The following MTAP variants were observed in gnomAD, a reference collection of about 807,000 sequenced individuals.
MTAP encodes S-methyl-5'-thioadenosine phosphorylase.
A neutral mutation model predicts 33.6 loss-of-function variants in MTAP; 33 were observed. That is an observed-to-expected ratio of 0.98 (90% CI 0.74 to 1.31). The LOEUF (loss-of-function observed/expected upper bound fraction) is 1.31, where lower values mean the gene tolerates loss of function less well. MTAP is among the 40% of genes most tolerant of loss of function. The pLI, the probability that MTAP is intolerant of heterozygous loss-of-function variation, is 0.00. For synonymous variants in MTAP, 148 were observed against 125.7 expected (o/e 1.18, Z -1.19); for missense variants, 367 against 360.0 (o/e 1.02, Z -0.16).
intron 1 of MTAP, among the ~76,000 whole-genome samples, chr9:21,927,487 G>C (rs1818888336): frequency 6.6e-6 from 1 of 152,174 alleles, no homozygotes; most frequent in African/African-American, 2.4e-5. Flanking sequence ...TCTTAACCCA[G>C]CCTCCTTACT....
At chr9:21,845,717 C>G (rs1464705528) in intron 5 of MTAP, among the ~76,000 whole-genome samples, 8 of 151,916 alleles carry the variant, frequency 5.3e-5, no homozygotes, top group Non-Finnish European at 1.2e-4. Flanking sequence ...AATGCAGTTT[C>G]CTTCAGAATA....
chr9:21,899,347 C>T (rs367797161), intron 1 of MTAP, among the ~76,000 whole-genome samples: 2 of 144,570 alleles, frequency 1.4e-5, no homozygotes, highest in Admixed American at 7.1e-5. Context: ...CAAACTTGCA[C>T]GTTGTGCATA....
chr9:21,876,945 TG>T (rs1231933593), intron 1 of MTAP, among the ~76,000 whole-genome samples: 21 of 152,186 alleles, frequency 1.4e-4, no homozygotes, highest in Admixed American at 1.4e-3. Flanking sequence ...TAAATTGCTT[TG>T]GGTAGTGTGG....
intron 1 of MTAP, among the ~76,000 whole-genome samples, chr9:21,879,849 T>G (rs1817977397): frequency 6.6e-6 from 1 of 152,154 alleles, no homozygotes; most frequent in Non-Finnish European, 1.5e-5. Context: ...TCATGAATGT[T>G]GAATATAGGC....
At chr9:21,870,808 C>G (rs1209376040), downstream of MTAP, among the ~76,000 whole-genome samples, 1 of 133,076 alleles carries the variant, frequency 7.5e-6, no homozygotes, top group Non-Finnish European at 1.6e-5. Flanking sequence ...GATGGATTCT[C>G]TGTCTCCCAG....
chr9:21,899,475 C>T (rs1818353159), intron 1 of MTAP, among the ~76,000 whole-genome samples: 1 of 151,828 alleles, frequency 6.6e-6, no homozygotes, highest in South Asian at 2.1e-4. Context: ...AAGAACTGCC[C>T]AAGATTGGGT....
chr9:21,828,954 C>A (rs996277449), intron 4 of MTAP, among the ~76,000 whole-genome samples: 1 of 152,108 alleles, frequency 6.6e-6, no homozygotes, highest in African/African-American at 2.4e-5. Context: ...GCACATATAT[C>A]ATTCATTATG....
intron 4 of MTAP, among the ~76,000 whole-genome samples, chr9:21,831,057 G>A (rs1011775026): frequency 8.5e-5 from 13 of 152,218 alleles, no homozygotes; most frequent in African/African-American, 3.1e-4. Flanking sequence ...TGTGGTACAT[G>A]GGCCCTCCAT....
rs952801457 is a variant in MTAP at position 21,922,914 on chromosome 9, A to G, written c.148-8094A>G. 1.3e-5 allele frequency among the ~76,000 whole-genome samples: 2 copies of G among 152,128 alleles called. No homozygotes were observed. The highest frequency in any genetic ancestry group is 6.6e-5 in the Admixed American group (1 of 15,266). ...TAGGGCTAAAGCCTAACACTGTGCA[A>G]TGTCTGCAATTTCCTCTGCTTTTTC... On this transcript the variant is annotated intron_variant, in intron 1 of 1. Coordinates refer to the MTAP transcript ENST00000577563. This position sits in a 1 kb window ranked among gnomAD's most constrained non-coding sequence, Gnocchi z 4.8.
chr9:21,837,848 A>G, intron 4 of MTAP, 60 bp from the exon 5 acceptor site: 3 of 1,403,186 alleles, frequency 2.1e-6, no homozygotes, highest in Non-Finnish European at 2.0e-6. Context: ...CAGCCCTCGG[A>G]GGATGGAAAG....
Position 21,854,778 on chromosome 9 carries a change from C to G in MTAP, c.598C>G (p.Pro200Ala), listed in dbSNP as rs770532282. Reference sequence around the variant, plus strand: ...GGATGTTATCAACATGACCACAGTTCCAGAGGTGGTTCTTGCTAAGGAGGC... The same window carrying G: ...GGATGTTATCAACATGACCACAGTTGCAGAGGTGGTTCTTGCTAAGGAGGC... The part of the protein sequence containing the change: ...GADVINMTTV[P>A]EVVLAKEAGI... Residue 200 changes from proline to alanine, a missense_variant, in exon 6 of 8, where the codon CCA becomes GCA. Physicochemically the swap from Pro to Ala is conservative, Grantham distance 27. Transcript: ENST00000644715. 1 of 1,614,106 alleles carries G rather than the reference C, an allele frequency of 6.2e-7. No homozygotes were observed. Among genetic ancestry groups the G allele is most frequent in the Non-Finnish European group, 8.5e-7 (1 of 1,180,004 alleles).
intron 1 of MTAP, among the ~76,000 whole-genome samples, chr9:21,888,162 T>C (rs117421022): frequency 6.2e-4 from 95 of 152,328 alleles, no homozygotes; most frequent in Admixed American, 1.2e-3. Flanking sequence ...TTTCCACTTT[T>C]ATTCCACTGT....
chr9:21,853,612 A>G (rs1825566946), intron 5 of MTAP, among the ~76,000 whole-genome samples: 1 of 152,204 alleles, frequency 6.6e-6, no homozygotes, highest in Admixed American at 6.5e-5. Context: ...CACTTTATTT[A>G]TATAGTATCC....
In MTAP at chr9:21,862,863, A is replaced by G; in HGVS notation, c.*849A>G. The G allele has an allele frequency of 1.3e-6, 1 of 771,326 alleles. No individual in the cohort carries two copies. The highest frequency in any genetic ancestry group is 1.6e-6 in the Non-Finnish European group (1 of 636,132). 47.8% of individuals were successfully genotyped at this position (771,326 alleles called of 1,614,324 possible). A position where few individuals can be genotyped will look rare whatever the true frequency, so the allele number is the denominator to read the frequency against. On this transcript the variant is annotated 3_prime_UTR_variant, in exon 8 of 8. Coordinates refer to ENST00000644715, the MANE Select transcript of MTAP (RefSeq NM_002451.4). The stretch of plus-strand genomic sequence containing the variant: ...CTGGGATAATTTTTATTTTCTTTGA[A>G]TCTTTCTGTGTCTTCACATTTTTCT...
chr9:21,814,113 T>C (rs951614736), intron 1 of MTAP, among the ~76,000 whole-genome samples: 1 of 152,242 alleles, frequency 6.6e-6, no homozygotes, highest in African/African-American at 2.4e-5. Context: ...ACAAATTATG[T>C]AACCATGTCA....
intron 4 of MTAP, among the ~76,000 whole-genome samples, chr9:21,837,123 CCT>C (rs1248766673): frequency 6.9e-6 from 1 of 144,764 alleles, no homozygotes; most frequent in Non-Finnish European, 1.5e-5. Flanking sequence ...TTAATTTTAG[CCT>C]CTCTTATGGA....
intron 1 of MTAP, among the ~76,000 whole-genome samples, chr9:21,899,605 C>T (rs1208271975): frequency 2.0e-5 from 3 of 152,174 alleles, no homozygotes; most frequent in South Asian, 2.1e-4. Flanking sequence ...TACAGGGTGG[C>T]AGGACAGAGT....
At position 21,924,626 on chromosome 9, in the gene MTAP, G is replaced by A. The variant is rs368245516; in HGVS notation, c.148-6382G>A. 2.2e-4 allele frequency among the ~76,000 whole-genome samples: 33 copies of A among 152,278 alleles called. No individual in the cohort carries two copies. The East Asian group carries it at 6.0e-3, about 28-fold the overall frequency. On this transcript the variant is annotated intron_variant, in intron 1 of 1. Transcript: ENST00000577563. ...GGTTGGTTCGGGAGACCCCTCATTG[G>A]GTTTACCCAGGGCTCAAGCCCTGGA...
chr9:21,927,814 G>T (rs1490027837), intron 1 of MTAP, among the ~76,000 whole-genome samples: 1 of 152,156 alleles, frequency 6.6e-6, no homozygotes, highest in East Asian at 1.9e-4. Flanking sequence ...ATGCCTTCCT[G>T]GTGCTTCACA....
Sources: allele counts gnomAD v4.1 joint callset (sites outside exome capture counted in the v4.1 genomes callset), GRCh38; gene constraint gnomAD v4.1.1; non-coding constraint Gnocchi (gnomAD v3.1); transcripts MANE v1.5; gene names NCBI Gene and HGNC (gene_info 2026-07-23, HGNC 2026-07-21).